The following FAM200C variants were observed in gnomAD, a reference collection of about 807,000 sequenced individuals.
the FAM200C span, chr5:160,395,393 C>G: frequency 1.2e-5 from 20 of 1,614,084 alleles, no homozygotes; most frequent in South Asian, 2.2e-4. Context: ...TACTGAGTTA[C>G]ACAACACACA....
At chr5:160,395,300 T>C in the FAM200C span, 26 of 1,614,060 alleles carry the variant, frequency 1.6e-5, no homozygotes, top group African/African-American at 2.1e-4. Flanking sequence ...CTTCAGGCTA[T>C]TGAGATCATG....
the FAM200C span, chr5:160,394,421 T>C: frequency 1.2e-6 from 2 of 1,613,524 alleles, no homozygotes; most frequent in Admixed American, 3.3e-5. Flanking sequence ...ATTACTGCTC[T>C]TGTGGTGAAG....
the FAM200C span, among the ~76,000 whole-genome samples, chr5:160,397,906 G>A: frequency 6.6e-6 from 1 of 152,160 alleles, no homozygotes; most frequent in South Asian, 2.1e-4. Context: ...ATTTGGGGAG[G>A]AAGAGGGAAT....
At chr5:160,395,512 A>G in the FAM200C span, 8 of 1,590,550 alleles carry the variant, frequency 5.0e-6, no homozygotes, top group Admixed American at 8.5e-5. Flanking sequence ...ATTCTCAGGT[A>G]GTATTCCAGA....
chr5:160,397,808 A>G, the FAM200C span, among the ~76,000 whole-genome samples: 1 of 152,224 alleles, frequency 6.6e-6, no homozygotes, highest in Non-Finnish European at 1.5e-5. Context: ...TTTGCTTAGA[A>G]CCACTTCTAA....
the FAM200C span, among the ~76,000 whole-genome samples, chr5:160,395,714 C>A: frequency 1.3e-5 from 2 of 152,254 alleles, no homozygotes; most frequent in African/African-American, 4.8e-5. Flanking sequence ...AGCTAATGCC[C>A]TGGAATAAAT....
chr5:160,395,075 AC>A, the FAM200C span: 1 of 1,614,098 alleles, frequency 6.2e-7, no homozygotes, highest in Non-Finnish European at 8.5e-7. Flanking sequence ...TGATAAGGGT[AC>A]CTGCTGAAGC....
the FAM200C span, among the ~76,000 whole-genome samples, chr5:160,395,993 G>A: frequency 6.6e-6 from 1 of 152,144 alleles, no homozygotes; most frequent in African/African-American, 2.4e-5. Flanking sequence ...ATTCTGACAT[G>A]GAGGTTAAAA....
chr5:160,394,724 A>G, the FAM200C span: 2 of 1,614,204 alleles, frequency 1.2e-6, no homozygotes, highest in Non-Finnish European at 1.7e-6. Context: ...CACGTAGGCA[A>G]CAAACTCGGA....
At chr5:160,393,641 A>G in the FAM200C span, 4 of 1,186,794 alleles carry the variant, frequency 3.4e-6, no homozygotes, top group Admixed American at 2.7e-5. Flanking sequence ...TGAAAGAGAC[A>G]GAATTACAGC....
At chr5:160,399,652 T>TAG in the FAM200C span, 1 of 152,076 alleles carries the variant, frequency 6.6e-6, no homozygotes, top group Admixed American at 6.6e-5. Flanking sequence ...ACAGGGTTGT[T>TAG]AGGAGATTTA....
chr5:160,393,514 G>A, the FAM200C span: 1 of 587,998 alleles, frequency 1.7e-6, no homozygotes, highest in East Asian at 2.9e-5. Context: ...TAGCAACTAG[G>A]CAGTAGTACT....
chr5:160,394,049 T>C, the FAM200C span: 1 of 1,611,836 alleles, frequency 6.2e-7, no homozygotes, highest in South Asian at 1.1e-5. Context: ...AAAATCGATA[T>C]TAAAAAGAAA....
At chr5:160,394,351 T>A in the FAM200C span, 2 of 1,613,968 alleles carry the variant, frequency 1.2e-6, no homozygotes, top group South Asian at 2.2e-5. Flanking sequence ...AGTGTTTGAA[T>A]AAATCTGCAA....
the FAM200C span, chr5:160,394,843 T>A: frequency 3.1e-6 from 5 of 1,613,586 alleles, no homozygotes; most frequent in Non-Finnish European, 4.2e-6. Context: ...ACACATCTAT[T>A]CCTTTCATGG....
chr5:160,399,517 G>C, the FAM200C span: 8 of 152,370 alleles, frequency 5.3e-5, no homozygotes, highest in Non-Finnish European at 1.0e-4. Flanking sequence ...AGGAGAATGG[G>C]GGCAGGAACT....
the FAM200C span, among the ~76,000 whole-genome samples, chr5:160,398,591 T>C: frequency 1.2e-4 from 19 of 152,204 alleles, no homozygotes; most frequent in African/African-American, 4.6e-4. Flanking sequence ...TCCATTCCTA[T>C]CCACCTTGAC....
chr5:160,395,394 A>C, the FAM200C span: 2 of 1,614,142 alleles, frequency 1.2e-6, no homozygotes, highest in Non-Finnish European at 1.7e-6. Flanking sequence ...ACTGAGTTAC[A>C]CAACACACAC....
At chr5:160,399,915 CA>C in the FAM200C span, 2 of 152,310 alleles carry the variant, frequency 1.3e-5, no homozygotes, top group African/African-American at 2.4e-5. Flanking sequence ...GCCTAGGGCC[CA>C]GCCTCTGGCC....
Sources: allele counts gnomAD v4.1 joint callset (sites outside exome capture counted in the v4.1 genomes callset), GRCh38; gene constraint gnomAD v4.1.1; transcripts MANE v1.5.